JUP: variants seen among roughly 807,000 people sequenced by gnomAD.
The protein encoded by JUP is catenin (cadherin-associated protein), gamma 80kDa.
Under a neutral mutation model 71.1 loss-of-function variants are expected in JUP, and 28 were observed. The ratio of observed to expected loss-of-function variants is 0.39; its 90% CI spans 0.29 to 0.54. The LOEUF (loss-of-function observed/expected upper bound fraction) is 0.54. Ranked by LOEUF, JUP falls within the 20% of genes least tolerant of loss-of-function variation. The pLI is 0.62. For synonymous variants in JUP, 401 were observed against 438.9 expected (o/e 0.91, Z 1.08); for missense variants, 869 against 1,030.1 (o/e 0.84, Z 2.14).
At chr17:41,778,767 C>T (rs1297618286) in intron 1 of JUP, among the ~76,000 whole-genome samples, 9 of 151,488 alleles carry the variant, frequency 5.9e-5, no homozygotes, top group Admixed American at 5.9e-4. Context: ...AAAAATTAGC[C>T]GGGCGTGTTA....
chr17:41,775,867 C>G, intron 1 of JUP: 1 of 529,180 alleles, frequency 1.9e-6, no homozygotes, highest in Non-Finnish European at 2.4e-6. Flanking sequence ...TTCTTTCCTG[C>G]CTCCTCCTCT....
intron 5 of JUP, among the ~76,000 whole-genome samples, chr17:41,766,023 A>C (rs1555603890): frequency 1.3e-5 from 2 of 152,192 alleles, no homozygotes; most frequent in Admixed American, 1.3e-4. Flanking sequence ...CGGAGGCTGA[A>C]GCAGGAGGAT....
At chr17:41,769,384 C>A in intron 3 of JUP, 34 bp downstream of exon 3, 1 of 1,595,116 alleles carries the variant, frequency 6.3e-7, no homozygotes. Context: ...CCCCTCCCTG[C>A]CCAGCCCCCA....
At chr17:41,785,492 C>G (rs1187221255) in intron 1 of JUP, among the ~76,000 whole-genome samples, 1 of 152,006 alleles carries the variant, frequency 6.6e-6, no homozygotes, top group Non-Finnish European at 1.5e-5. Context: ...TGGGGCCCAG[C>G]GAACAGGATG....
intron 1 of JUP, among the ~76,000 whole-genome samples, chr17:41,783,686 C>T (rs1011432097): frequency 1.1e-4 from 16 of 150,980 alleles, no homozygotes; most frequent in Non-Finnish European, 2.1e-4. Context: ...TTTGGGAGGC[C>T]GGGGCGGGCG....
At chr17:41,783,659 G>A (rs1001245731) in intron 1 of JUP, among the ~76,000 whole-genome samples, 4 of 151,764 alleles carry the variant, frequency 2.6e-5, no homozygotes, top group Non-Finnish European at 5.9e-5. Flanking sequence ...GGTGGCTCAC[G>A]CCTGTAATCC....
intron 1 of JUP, among the ~76,000 whole-genome samples, chr17:41,782,412 C>T (rs1033202142): frequency 2.0e-5 from 3 of 152,218 alleles, no homozygotes; most frequent in African/African-American, 4.8e-5. Flanking sequence ...CTAAATCGGA[C>T]TCTCGTTTCT....
At chr17:41,756,261 C>T in intron 12 of JUP, 47 bp from the exon 13 acceptor site, 1 of 1,587,838 alleles carries the variant, frequency 6.3e-7, no homozygotes, top group Non-Finnish European at 8.6e-7. Context: ...AAAATGCAGG[C>T]TCCGAGCTGG....
chr17:41,785,555 G>C (rs1390844784), intron 1 of JUP, among the ~76,000 whole-genome samples: 1 of 152,200 alleles, frequency 6.6e-6, no homozygotes, highest in Non-Finnish European at 1.5e-5. Context: ...CCCAGGTTCA[G>C]CCAGGGGCCG....
At chr17:41,774,238 G>T (rs12453628) in intron 1 of JUP, among the ~76,000 whole-genome samples, 1 of 151,648 alleles carries the variant, frequency 6.6e-6, no homozygotes, top group African/African-American at 2.4e-5. Context: ...CCATGGGGGG[G>T]TGGGGGGGTG....
chr17:41,762,919 C>T (rs1409380203), intron 8 of JUP, 64 bp downstream of exon 8: 2 of 1,431,196 alleles, frequency 1.4e-6, no homozygotes, highest in Non-Finnish European at 2.0e-6. Context: ...AGCGGCTTTG[C>T]CTATACCAAT....
At chr17:41,757,857 G>T in intron 10 of JUP, 73 bp from the exon 11 acceptor site, 1 of 1,294,662 alleles carries the variant, frequency 7.7e-7, no homozygotes, top group Non-Finnish European at 1.1e-6. Context: ...ACACCCCACA[G>T]CACTGCCCAC....
At chr17:41,784,564 G>A (rs2047354895) in intron 1 of JUP, among the ~76,000 whole-genome samples, 1 of 152,204 alleles carries the variant, frequency 6.6e-6, no homozygotes, top group African/African-American at 2.4e-5. Flanking sequence ...TTGGCACAGA[G>A]AAGAGGGAAA....
Position 41,769,069 on chromosome 17 carries a change from G to A in JUP, c.607C>T (p.Arg203Cys), listed in dbSNP as rs147354282. The change falls in exon 4 of 14, where the codon CGC becomes TGC. Residue 203 changes from arginine to cysteine, a missense_variant. Coordinates refer to ENST00000393931, the MANE Select transcript of JUP (RefSeq NM_002230.4). ...MQNTSDLDTA[R>C]CTTSILHNLS... ...TTGTGCAGGATGCTGGTGGTGCAGC[G>A]GGCTGTGTCCAGGTCGCTGGTATTC... 1.2e-4 allele frequency: 201 copies of A among 1,613,168 alleles called. No homozygotes were observed. Among genetic ancestry groups the A allele is most frequent in the Non-Finnish European group, 1.6e-4 (185 of 1,179,880 alleles).
In JUP at chr17:41,764,903, C is replaced by T; in HGVS notation, c.1054+20G>A. On this transcript the variant is annotated intron_variant, in intron 6 of 13. Transcript: ENST00000393931. ...GGGCAGAGCTCCCACCCCAGCCGCC[C>T]TCAAGGCCATCATACTCACCAGCCT... 6.2e-7 allele frequency: 1 copy of T among 1,614,136 alleles called. No homozygotes were observed. Among genetic ancestry groups the T allele is most frequent in the African/African-American group, 1.3e-5 (1 of 75,048 alleles).
intron 1 of JUP, among the ~76,000 whole-genome samples, chr17:41,778,395 G>A (rs2046985788): frequency 6.6e-6 from 1 of 151,944 alleles, no homozygotes; most frequent in South Asian, 2.1e-4. Flanking sequence ...GCGAAACCCT[G>A]TCTCTACAAA....
At chr17:41,784,214 C>T (rs1252230697) in intron 1 of JUP, among the ~76,000 whole-genome samples, 1 of 152,126 alleles carries the variant, frequency 6.6e-6, no homozygotes, top group Non-Finnish European at 1.5e-5. Context: ...CCTAGCCCGA[C>T]CTTTTTCGTT....
At chr17:41,786,363 C>T (rs2047457887) in intron 1 of JUP, 1 of 152,106 alleles carries the variant, frequency 6.6e-6, no homozygotes, top group African/African-American at 2.4e-5. Flanking sequence ...GATCCCTCCC[C>T]GCCTTGCTCA....
rs1555606000 is a variant in JUP, at chr17:41,769,684, G to A, written c.209-7C>T. ...ATCTGGTACTCCAGATCACCTGGGG[G>A]CCATGGGGACAGGGACTGAGTGCAG... On this transcript the variant is annotated splice_region_variant and splice_polypyrimidine_tract_variant and intron_variant, in intron 2 of 13. Coordinates refer to ENST00000393931, the MANE Select transcript of JUP (RefSeq NM_002230.4). 6.2e-7 allele frequency: 1 copy of A among 1,607,222 alleles called. No homozygotes were observed. Among genetic ancestry groups the A allele is most frequent in the East Asian group, 2.2e-5 (1 of 44,696 alleles).
Sources: gnomAD v4.1 joint callset for allele counts (sites outside exome capture counted in the v4.1 genomes callset) on GRCh38, gnomAD v4.1.1 for gene constraint, MANE v1.5 for transcripts, NCBI Gene and HGNC (gene_info 2026-07-23, HGNC 2026-07-21) for gene names.